Variants in KDM6A observed in about 807,000 individuals in gnomAD.
KDM6A encodes lysine demethylase 6A.
KDM6A carries 11 observed loss-of-function variants against 117.6 expected under a neutral mutation model. The ratio of observed to expected loss-of-function variants is 0.09; its 90% CI spans 0.06 to 0.15. The LOEUF (loss-of-function observed/expected upper bound fraction) is 0.15. Among genes scored for constraint, KDM6A ranks in the 10% least tolerant of loss-of-function variants. The pLI is 1.00. For missense variants in KDM6A, 799 were observed against 1,077.3 expected, an observed-to-expected ratio of 0.74 and a Z score of 3.62; for synonymous variants, 384 against 396.1, an observed-to-expected ratio of 0.97 and a Z score of 0.36.
At chrX:45,105,177 T>C (rs1481513989) in intron 27 of KDM6A, among the ~76,000 whole-genome samples, 1 of 111,528 alleles carries the variant, frequency 9.0e-6, no homozygotes, top group African/African-American at 3.3e-5. Context: ...CAGTGTGAGA[T>C]AGTAAGGGGG....
intron 8 of KDM6A, among the ~76,000 whole-genome samples, chrX:45,050,176 C>G (rs1165380028): frequency 8.9e-6 from 1 of 112,704 alleles, no homozygotes; most frequent in Non-Finnish European, 1.9e-5. Context: ...CCCATTTCTA[C>G]TAAAAATACA....
chrX:45,043,543 G>A (rs2043385195), intron 8 of KDM6A, among the ~76,000 whole-genome samples: 1 of 111,018 alleles, frequency 9.0e-6, no homozygotes, highest in Non-Finnish European at 1.9e-5. Context: ...TTGGGAGGCC[G>A]AGGCAGGTGG....
At chrX:44,874,131 T>TGAG (rs2031200538) in intron 2 of KDM6A, 144 bp downstream of exon 2, 1 of 529,889 alleles carries the variant, frequency 1.9e-6, no homozygotes, top group African/African-American at 2.3e-5. Context: ...GCCTCTGCTC[T>TGAG]CCCCCCACCC....
At chrX:44,969,987 A>G (rs192984575) in intron 3 of KDM6A, among the ~76,000 whole-genome samples, 72 of 112,412 alleles carry the variant, frequency 6.4e-4, no homozygotes, top group Non-Finnish European at 1.1e-3. Flanking sequence ...TAACTACCTT[A>G]AAGATTAGAA....
At chrX:44,991,865 T>C (rs1236819156) in intron 4 of KDM6A, among the ~76,000 whole-genome samples, 2 of 109,612 alleles carry the variant, frequency 1.8e-5, no homozygotes, top group Non-Finnish European at 3.8e-5. Context: ...TTTTTTTTTG[T>C]ATTTTTAGTA....
chrX:45,062,762 A>G lies in KDM6A; in HGVS notation c.1683+14A>G, dbSNP rs2044356298. ...CAACAACACCAAGTGTGTATAGCAT[A>G]TTTTTCCCTGAAATTTGTTAGCATT... is the stretch of plus-strand genomic sequence containing the variant. On this transcript the variant is annotated intron_variant, in intron 16 of 29. Coordinates refer to ENST00000611820, the MANE Select transcript of KDM6A (RefSeq NM_001291415.2). 2 of 1,056,362 alleles carry G rather than the reference A, an allele frequency of 1.9e-6. No homozygotes were observed. Among genetic ancestry groups the G allele is most frequent in the Non-Finnish European group, 1.3e-6 (1 of 756,271 alleles). The allele number at this position is 1,056,362 out of a possible 1,213,427, so 87.1% of individuals were successfully genotyped here.
intron 2 of KDM6A, among the ~76,000 whole-genome samples, chrX:44,910,387 T>C: frequency 9.0e-6 from 1 of 111,201 alleles, no homozygotes; most frequent in South Asian, 3.8e-4. Context: ...CGGAGTTTTG[T>C]CATGTTGGCC....
At chrX:45,016,575 C>G (rs937082116) in intron 5 of KDM6A, among the ~76,000 whole-genome samples, 1 of 111,339 alleles carries the variant, frequency 9.0e-6, no homozygotes, top group Non-Finnish European at 1.9e-5. Context: ...TCAAGGCTCA[C>G]TGCAACCTCT....
At chrX:45,038,025 C>T (rs1366615227) in intron 8 of KDM6A, among the ~76,000 whole-genome samples, 1 of 111,413 alleles carries the variant, frequency 9.0e-6, no homozygotes, top group South Asian at 3.8e-4. Flanking sequence ...AGTTCAAGAC[C>T]AGCCTGGCCA....
intron 6 of KDM6A, among the ~76,000 whole-genome samples, chrX:45,030,777 T>C (rs1474205365): frequency 9.0e-6 from 1 of 111,487 alleles, no homozygotes; most frequent in East Asian, 2.8e-4. Context: ...TGGTGCGATC[T>C]TGGGTCACTG....
Position 45,076,779 on chromosome X carries a change from C to A in KDM6A, c.2941C>A (p.Pro981Thr). 8.4e-7 allele frequency: 1 copy of A among 1,195,025 alleles called. No homozygotes were observed. The highest frequency in any genetic ancestry group is 1.1e-6 in the Non-Finnish European group (1 of 881,665). Residue 981 changes from proline (P) to threonine (T), a missense_variant, in exon 19 of 30, where the codon CCT becomes ACT. By Grantham distance (38) the Pro-to-Thr change is conservative. This residue lies in a region of KDM6A where 291 missense variants were observed against 437.9 expected (regional missense o/e 0.66). Transcript: ENST00000611820. ...PPPRPPSSPY[P>T]PLPKDKLNPP... ...TCCAAGACCACCATCTTCACCATAC[C>A]CTCCCTTGCCAAAGGACAAGTTGAA...
intron 2 of KDM6A, among the ~76,000 whole-genome samples, chrX:44,908,357 A>G (rs774827202): frequency 9.0e-6 from 1 of 111,552 alleles, no homozygotes; most frequent in Non-Finnish European, 1.9e-5. Flanking sequence ...GAATTTGGAA[A>G]GGGTACAGCA....
intron 17 of KDM6A, among the ~76,000 whole-genome samples, chrX:45,068,632 C>G (rs904191730): frequency 2.0e-4 from 21 of 106,543 alleles, no homozygotes; most frequent in African/African-American, 6.5e-4. Flanking sequence ...GTGGCACCAT[C>G]TTAGCTCACT....
intron 3 of KDM6A, among the ~76,000 whole-genome samples, chrX:44,962,559 A>C (rs909476973): frequency 8.9e-6 from 1 of 112,005 alleles, no homozygotes; most frequent in African/African-American, 3.2e-5. Flanking sequence ...TAAAACTGGA[A>C]ACTTATTTAA....
intron 2 of KDM6A, among the ~76,000 whole-genome samples, chrX:44,875,746 T>C (rs1281142252): frequency 9.0e-6 from 1 of 111,609 alleles, no homozygotes; most frequent in African/African-American, 3.3e-5. Context: ...ATAATTCACG[T>C]GGAAAAGTTT....
intron 8 of KDM6A, among the ~76,000 whole-genome samples, chrX:45,039,965 C>T (rs1244957604): frequency 8.0e-5 from 5 of 62,832 alleles, no homozygotes; most frequent in African/African-American, 1.2e-4. Context: ...CCACCCTTCC[C>T]GCCTTTCTAT....
intron 2 of KDM6A, among the ~76,000 whole-genome samples, chrX:44,897,269 G>GTTTTTTTTTTTTT (rs1207197202): frequency 1.5e-5 from 1 of 68,763 alleles, no homozygotes; most frequent in East Asian, 4.7e-4. Flanking sequence ...TTTATTTTAG[G>GTTTTTTTTTTTTT]TTTTTTTTTT....
At chrX:44,987,299 G>A (rs1342902059) in intron 4 of KDM6A, among the ~76,000 whole-genome samples, 1 of 111,159 alleles carries the variant, frequency 9.0e-6, no homozygotes, top group Non-Finnish European at 1.9e-5. Flanking sequence ...GCCTATGTGT[G>A]TCTCTGCACA....
intron 2 of KDM6A, among the ~76,000 whole-genome samples, chrX:44,927,389 A>G (rs1455352405): frequency 9.0e-6 from 1 of 111,068 alleles, no homozygotes; most frequent in East Asian, 2.8e-4. Flanking sequence ...AAATGACTAA[A>G]GGATAACATT....
Sources: gnomAD v4.1 joint callset for allele counts (sites outside exome capture counted in the v4.1 genomes callset) on GRCh38, gnomAD v4.1.1 for gene constraint, gnomAD v4.1.1 regional missense constraint, MANE v1.5 for transcripts, NCBI Gene and HGNC (gene_info 2026-07-23, HGNC 2026-07-21) for gene names.